The following EML1 variants were observed in gnomAD, a reference collection of about 807,000 sequenced individuals.
The protein encoded by EML1 is EMAP like 1.
In EML1, 27 loss-of-function variants were observed where a neutral mutation model predicts 110.4. That is an observed-to-expected ratio of 0.24 (90% CI 0.18 to 0.34). The LOEUF (loss-of-function observed/expected upper bound fraction) is 0.34. EML1 is among the 10% of genes least tolerant of loss of function. The pLI, the probability that EML1 is intolerant of heterozygous loss-of-function variation, is 1.00. For synonymous variants in EML1, 344 were observed against 385.8 expected, an observed-to-expected ratio of 0.89 and a Z score of 1.27; for missense variants, 741 against 1,030.9, an observed-to-expected ratio of 0.72 and a Z score of 3.85.
chr14:99,888,663 A>C (rs908857227), intron 4 of EML1, among the ~76,000 whole-genome samples: 1 of 152,234 alleles, frequency 6.6e-6, no homozygotes, highest in Non-Finnish European at 1.5e-5. Flanking sequence ...AGAACAATTC[A>C]GGTATCTACA....
intron 1 of EML1, among the ~76,000 whole-genome samples, chr14:99,843,996 T>G (rs2058670240): frequency 6.6e-6 from 1 of 152,320 alleles, no homozygotes; most frequent in Middle Eastern, 3.4e-3. Flanking sequence ...TTTCTTTCCC[T>G]CCTATCCAAA....
chr14:99,761,407 G>T (rs1056350428), intron 1 of EML1, among the ~76,000 whole-genome samples: 1 of 152,184 alleles, frequency 6.6e-6, no homozygotes, highest in Non-Finnish European at 1.5e-5. Flanking sequence ...CTGGCAGAGC[G>T]GTGTGCTGGG....
At position 99,826,105 on chromosome 14, in the gene EML1, A is replaced by ATTTT. The variant is rs71113225; in HGVS notation, c.68-24726_68-24723dup. 3.3e-3 allele frequency among the ~76,000 whole-genome samples: 261 copies of ATTTT among 79,958 alleles called. 3 individuals carry two copies. The highest frequency in any genetic ancestry group is 3.9e-3 in the Non-Finnish European group (169 of 43,756). 52.5% of individuals were successfully genotyped at this position (79,958 alleles called of 152,430 possible). A position where few individuals can be genotyped will look rare whatever the true frequency, so the allele number is the denominator to read the frequency against. The stretch of plus-strand genomic sequence containing the variant: ...ATTTAAAGTCTGCTTCTGTGCATTG[A>ATTTT]TTTTTTTTTTTTTTTTTTTTTTTTT... On this transcript the variant is annotated intron_variant, in intron 1 of 21. Transcript: ENST00000262233.
intron 1 of EML1, among the ~76,000 whole-genome samples, chr14:99,776,515 A>C (rs191952387): frequency 0.048 from 7,255 of 152,062 alleles, 201 homozygotes; most frequent in Middle Eastern, 0.054. Context: ...AAAAAAAAAA[A>C]ACAAAACCTG....
intron 17 of EML1, among the ~76,000 whole-genome samples, chr14:99,933,414 G>C (rs959984389): frequency 6.6e-6 from 1 of 152,180 alleles, no homozygotes; most frequent in Admixed American, 6.5e-5. Context: ...GATCTCAGGT[G>C]ATCTGCCCAC....
At chr14:99,783,969 C>T (rs1369196898) in intron 1 of EML1, among the ~76,000 whole-genome samples, 5 of 152,240 alleles carry the variant, frequency 3.3e-5, no homozygotes, top group East Asian at 1.9e-4. Flanking sequence ...CCCTGGAAAT[C>T]CTGTTGATTG....
intron 5 of EML1, 93 bp downstream of exon 5, chr14:99,891,320 C>T: frequency 1.3e-6 from 2 of 1,509,454 alleles, no homozygotes; most frequent in South Asian, 2.3e-5. Flanking sequence ...AGGGGCCAGC[C>T]TTGGACACAC....
upstream of EML1, among the ~76,000 whole-genome samples, chr14:99,789,012 A>C (rs2057630512): frequency 6.6e-6 from 1 of 152,144 alleles, no homozygotes; most frequent in African/African-American, 2.4e-5. Flanking sequence ...AGGATGAAAT[A>C]AGATTCCACC....
At chr14:99,848,708 G>A (rs941221781) in intron 1 of EML1, among the ~76,000 whole-genome samples, 1 of 152,188 alleles carries the variant, frequency 6.6e-6, no homozygotes, top group African/African-American at 2.4e-5. Context: ...GCTAACACCT[G>A]TAATCCCAGC....
At chr14:99,895,543 CA>C (rs1237370562) in intron 6 of EML1, among the ~76,000 whole-genome samples, 3 of 151,950 alleles carry the variant, frequency 2.0e-5, no homozygotes, top group Non-Finnish European at 4.4e-5. Context: ...ACCACATTGG[CA>C]AAAAAGTTTT....
At position 99,937,826 on chromosome 14, in the gene EML1, C is replaced by G; in HGVS notation, c.2105C>G (p.Ser702Cys). Residue 702 changes from serine (S) to cysteine (C), a missense_variant, in exon 20 of 22, where the codon TCT (serine) becomes TGT (cysteine). Physicochemically the swap from Ser to Cys is moderately radical, Grantham distance 112. This residue lies in a region of EML1 where 388 missense variants were observed against 605.6 expected (regional missense o/e 0.64). Transcript: ENST00000262233. ...GDYEILYWVP[S>C]ACKQVVSVET... ...TGTTTGCTTTTTGCAGGGGTTCCCT[C>G]TGCCTGTAAGCAAGTCGTAAGTGTG... The G allele has an allele frequency of 6.2e-7, 1 of 1,614,022 alleles. No individual in the cohort carries two copies. The highest frequency in any genetic ancestry group is 8.5e-7 in the Non-Finnish European group (1 of 1,179,908).
intron 1 of EML1, among the ~76,000 whole-genome samples, chr14:99,832,500 T>C (rs2058474534): frequency 6.6e-6 from 1 of 152,200 alleles, no homozygotes; most frequent in Non-Finnish European, 1.5e-5. Flanking sequence ...AGAGATGCAA[T>C]TGCTGATTCA....
At chr14:99,831,410 C>T (rs2058450506) in intron 1 of EML1, among the ~76,000 whole-genome samples, 1 of 152,210 alleles carries the variant, frequency 6.6e-6, no homozygotes, top group South Asian at 2.1e-4. Context: ...TAGAGGTTCC[C>T]CCCATCGTTG....
chr14:99,824,251 C>T (rs2058313825), intron 1 of EML1, among the ~76,000 whole-genome samples: 2 of 152,216 alleles, frequency 1.3e-5, no homozygotes, highest in African/African-American at 4.8e-5. Context: ...TGAGCCACCA[C>T]GCCCGGCTCC....
intron 2 of EML1, among the ~76,000 whole-genome samples, chr14:99,853,174 T>C (rs928813537): frequency 6.6e-6 from 1 of 152,234 alleles, no homozygotes; most frequent in African/African-American, 2.4e-5. Flanking sequence ...AGTCATCTGA[T>C]ATTTCTTTAT....
At chr14:99,804,569 T>C (rs980909560) in intron 1 of EML1, among the ~76,000 whole-genome samples, 1 of 152,138 alleles carries the variant, frequency 6.6e-6, no homozygotes, top group African/African-American at 2.4e-5. Flanking sequence ...CCACTGTCCA[T>C]GGTATACTAA....
intron 3 of EML1, among the ~76,000 whole-genome samples, chr14:99,869,226 G>A (rs946620814): frequency 2.0e-5 from 3 of 152,008 alleles, no homozygotes; most frequent in African/African-American, 4.8e-5. Context: ...TATCAGCATC[G>A]TTTTTCCAAC....
At chr14:99,782,397 T>A (rs1172834644) in intron 1 of EML1, among the ~76,000 whole-genome samples, 2 of 152,148 alleles carry the variant, frequency 1.3e-5, no homozygotes. Flanking sequence ...TGATGGTGAC[T>A]GGGGGCCTGT....
intron 1 of EML1, among the ~76,000 whole-genome samples, chr14:99,811,620 C>T (rs116401767): frequency 0.015 from 1,954 of 131,172 alleles, 43 homozygotes; most frequent in African/African-American, 0.051. Flanking sequence ...CTGGGCAACA[C>T]GATAAAACCC....
Sources: gnomAD v4.1 joint callset for allele counts (sites outside exome capture counted in the v4.1 genomes callset) on GRCh38, gnomAD v4.1.1 for gene constraint, gnomAD v4.1.1 regional missense constraint, MANE v1.5 for transcripts, NCBI Gene and HGNC (gene_info 2026-07-23, HGNC 2026-07-21) for gene names.